NRXN3: variants seen among roughly 807,000 people sequenced by gnomAD.
The protein encoded by NRXN3 is neurexin III.
Under a neutral mutation model 137.6 loss-of-function variants are expected in NRXN3, and 32 were observed. The observed-to-expected ratio is 0.23, with a 90% confidence interval of 0.18 to 0.31. The LOEUF is 0.31. NRXN3 is among the 10% of genes least tolerant of loss of function. The pLI is 1.00. For missense variants in NRXN3, 1,574 were observed against 2,062.5 expected, an observed-to-expected ratio of 0.76 and a Z score of 4.59; for synonymous variants, 798 against 784.5, an observed-to-expected ratio of 1.02 and a Z score of -0.29.
chr14:79,640,288 T>A (rs975170885), intron 16 of NRXN3, among the ~76,000 whole-genome samples: 1 of 135,572 alleles, frequency 7.4e-6, no homozygotes, highest in Non-Finnish European at 1.7e-5. Flanking sequence ...TTTAAATGAA[T>A]GAAGCTGTTT....
intron 15 of NRXN3, among the ~76,000 whole-genome samples, chr14:79,256,205 A>C (rs1052661488): frequency 1.0e-4 from 15 of 149,798 alleles, no homozygotes; most frequent in East Asian, 3.9e-4. Context: ...ACACACACAC[A>C]CCCCCCAGAA....
At chr14:79,060,777 T>G (rs530000471) in intron 15 of NRXN3, among the ~76,000 whole-genome samples, 1 of 152,162 alleles carries the variant, frequency 6.6e-6, no homozygotes, top group Non-Finnish European at 1.5e-5. Context: ...TCCCTCTTTT[T>G]TTTTCTTATA....
intron 15 of NRXN3, among the ~76,000 whole-genome samples, chr14:79,030,025 C>CT (rs112006208): frequency 5.5e-4 from 76 of 138,814 alleles, no homozygotes; most frequent in South Asian, 3.9e-3. Context: ...TTTTTTTCTT[C>CT]TTTTTTTTTT....
At chr14:78,837,766 C>T (rs1178810229) in intron 10 of NRXN3, among the ~76,000 whole-genome samples, 1 of 152,120 alleles carries the variant, frequency 6.6e-6, no homozygotes, top group Non-Finnish European at 1.5e-5. Flanking sequence ...ATTTGGGCTT[C>T]CATCTTTAGT....
At chr14:78,736,111 T>A (rs774741463) in intron 8 of NRXN3, among the ~76,000 whole-genome samples, 1 of 149,158 alleles carries the variant, frequency 6.7e-6, no homozygotes, top group African/African-American at 2.4e-5. Context: ...CACATAGATA[T>A]TTACTACACA....
chr14:78,628,602 G>T (rs2097490026), intron 4 of NRXN3, among the ~76,000 whole-genome samples: 1 of 152,130 alleles, frequency 6.6e-6, no homozygotes, highest in Non-Finnish European at 1.5e-5. Context: ...TGTTTATTTG[G>T]CTCTCCCTGG....
intron 15 of NRXN3, among the ~76,000 whole-genome samples, chr14:79,416,143 C>T (rs188448253): frequency 5.3e-5 from 8 of 152,140 alleles, no homozygotes. Flanking sequence ...TCCTGATGTA[C>T]CCAACACAGG....
chr14:79,153,770 A>G (rs2060006226), intron 15 of NRXN3, among the ~76,000 whole-genome samples: 1 of 151,990 alleles, frequency 6.6e-6, no homozygotes, highest in Non-Finnish European at 1.5e-5. Context: ...TCCCCAACCC[A>G]TTCTCCTTAA....
At chr14:78,892,774 C>CTCTGTGTGTGTGTGTG (rs374188630) in intron 10 of NRXN3, among the ~76,000 whole-genome samples, 1 of 140,068 alleles carries the variant, frequency 7.1e-6, no homozygotes, top group East Asian at 2.1e-4. Context: ...CCCCCATCTT[C>CTCTGTGTGTGTGTGTG]TGTGTGTGTG....
rs2096887778 is a variant in NRXN3 at position 78,571,373 on chromosome 14, C to T, written c.758-73747C>T. ...ATCTAATGACTGGAAGCCTGAGTTT[C>T]TCTTCAAACTCAGAAGAGAAAAATG... On this transcript the variant is annotated intron_variant, in intron 4 of 20. Coordinates refer to ENST00000335750, the MANE Select transcript of NRXN3 (RefSeq NM_001330195.2). 2.0e-5 allele frequency among the ~76,000 whole-genome samples: 3 copies of T among 152,140 alleles called. 1 individual carries two copies. The highest frequency in any genetic ancestry group is 4.1e-4 in the South Asian group (2 of 4,822).
chr14:79,727,478 A>G (rs1465549523), intron 19 of NRXN3, among the ~76,000 whole-genome samples: 1 of 152,162 alleles, frequency 6.6e-6, no homozygotes, highest in Non-Finnish European at 1.5e-5. Context: ...AGGGACAGTA[A>G]TTGCAACTTC....
chr14:78,315,420 C>T (rs564175754), intron 4 of NRXN3, among the ~76,000 whole-genome samples: 1 of 152,188 alleles, frequency 6.6e-6, no homozygotes, highest in Non-Finnish European at 1.5e-5. Context: ...AACTGTAGGA[C>T]CTGCAGCTCT....
intron 15 of NRXN3, among the ~76,000 whole-genome samples, chr14:79,102,600 A>G (rs1054097238): frequency 3.3e-5 from 5 of 152,214 alleles, no homozygotes; most frequent in Admixed American, 2.0e-4. Flanking sequence ...AGCGACATAT[A>G]GAGTTATGTA....
In NRXN3 at chr14:79,082,814, T is replaced by C. The variant is rs988018985; in HGVS notation, c.3262+94673T>C. Among the ~76,000 whole-genome samples the C allele has an allele frequency of 5.3e-5, 8 of 152,352 alleles. No individual in the cohort carries two copies. The South Asian group carries it at 8.3e-4, about 16-fold the overall frequency. On this transcript the variant is annotated intron_variant, in intron 15 of 20. Transcript: ENST00000335750. The stretch of plus-strand genomic sequence containing the variant: ...ACTTTAAAAAATTCAGATTTACTTC[T>C]GGCAAATTCATTCAGGAATTCAAAC...
intron 15 of NRXN3, among the ~76,000 whole-genome samples, chr14:79,035,151 G>C (rs2152506465): frequency 6.6e-6 from 1 of 152,116 alleles, no homozygotes; most frequent in South Asian, 2.1e-4. Flanking sequence ...TTTTTTAAAT[G>C]GAAGCTAATT....
chr14:78,579,095 G>A (rs972899771), intron 4 of NRXN3, among the ~76,000 whole-genome samples: 4 of 152,142 alleles, frequency 2.6e-5, no homozygotes, highest in African/African-American at 9.7e-5. Flanking sequence ...AGGGACTCAC[G>A]CTTGATCATA....
intron 8 of NRXN3, among the ~76,000 whole-genome samples, chr14:78,726,693 A>T (rs1291105334): frequency 1.3e-5 from 2 of 151,422 alleles, no homozygotes; most frequent in South Asian, 2.1e-4. Context: ...TAATTTTTGT[A>T]TTTTTTGTAG....
chr14:78,271,589 T>A (rs766172879), intron 2 of NRXN3, among the ~76,000 whole-genome samples: 4 of 152,142 alleles, frequency 2.6e-5, no homozygotes, highest in Non-Finnish European at 4.4e-5. Context: ...CCAGAGCCAC[T>A]GCAAGTATGT....
At chr14:78,204,099 C>G (rs2061958187) in intron 1 of NRXN3, among the ~76,000 whole-genome samples, 2 of 152,056 alleles carry the variant, frequency 1.3e-5, no homozygotes, top group South Asian at 2.1e-4. Flanking sequence ...TATTTAAATT[C>G]TACATTTTCT....
Sources: allele counts gnomAD v4.1 joint callset (sites outside exome capture counted in the v4.1 genomes callset), GRCh38; gene constraint gnomAD v4.1.1; transcripts MANE v1.5; gene names NCBI Gene and HGNC (gene_info 2026-07-23, HGNC 2026-07-21).